NRP1: variants seen among roughly 807,000 people sequenced by gnomAD.
The protein encoded by NRP1 is neuropilin-1.
NRP1 carries 35 observed loss-of-function variants against 106.7 expected under a neutral mutation model. That is an observed-to-expected ratio of 0.33 (90% CI 0.25 to 0.43). The LOEUF is 0.43. Ranked by LOEUF, NRP1 falls within the 20% of genes least tolerant of loss-of-function variation. The pLI is 1.00. For synonymous variants in NRP1, 437 were observed against 417.9 expected, an observed-to-expected ratio of 1.05 and a Z score of -0.56; for missense variants, 1,024 against 1,170.4, an observed-to-expected ratio of 0.87 and a Z score of 1.83.
chr10:33,334,478 A>G lies in NRP1; in HGVS notation c.-96T>C, dbSNP rs1848500357. The G allele has an allele frequency of 4.6e-6, 5 of 1,098,056 alleles. No individual in the cohort carries two copies. Among genetic ancestry groups the G allele is most frequent in the South Asian group, 4.0e-5 (3 of 74,866 alleles). 68.0% of individuals were successfully genotyped at this position (1,098,056 alleles called of 1,614,324 possible). A position where few individuals can be genotyped will look rare whatever the true frequency, so the allele number is the denominator to read the frequency against. On this transcript the variant is annotated 5_prime_UTR_variant, in exon 1 of 17. Transcript: ENST00000374867. ...AATCTAAGCGATCCGAAGAGCCCCA[A>G]CTCCGCCTAGAGCTGTACAATCCTC... is the stretch of plus-strand genomic sequence containing the variant.
chr10:33,299,749 G>C (rs1845670380), intron 2 of NRP1, among the ~76,000 whole-genome samples: 1 of 152,258 alleles, frequency 6.6e-6, no homozygotes, highest in African/African-American at 2.4e-5. Flanking sequence ...TTGCATCACT[G>C]CTCTCCAGAC....
chr10:33,260,537 C>T (rs940249525), intron 4 of NRP1, among the ~76,000 whole-genome samples: 3 of 152,132 alleles, frequency 2.0e-5, no homozygotes, highest in African/African-American at 4.8e-5. Context: ...ACCGATGTGA[C>T]GTGAGCTAAG....
chr10:33,216,446 G>A (rs1301895478), intron 8 of NRP1, among the ~76,000 whole-genome samples: 1 of 148,108 alleles, frequency 6.8e-6, no homozygotes, highest in Non-Finnish European at 1.5e-5. Context: ...TCTACACCCC[G>A]GCCTTTTTTT....
chr10:33,263,675 C>G lies in NRP1; in HGVS notation c.629G>C (p.Arg210Pro), dbSNP rs757963789. The G allele has an allele frequency of 1.2e-6, 2 of 1,613,822 alleles. No individual in the cohort carries two copies. Among genetic ancestry groups the G allele is most frequent in the African/African-American group, 2.7e-5 (2 of 74,872 alleles). Residue 210 changes from arginine (R) to proline (P), a missense_variant, in exon 4 of 17, where the codon CGG (arginine) becomes CCG (proline). Transcript: ENST00000374867. ...PPGGMFCRYDRLEIWDGFPDV... is the reference protein window; with the variant it reads ...PPGGMFCRYDPLEIWDGFPDV... Reference sequence around the variant, plus strand: ...AGGGAATCCATCCCAGATTTCTAGCCGGTCGTAGCGACAGAACATCCCCCC... The same window carrying G: ...AGGGAATCCATCCCAGATTTCTAGCGGGTCGTAGCGACAGAACATCCCCCC...
intron 8 of NRP1, among the ~76,000 whole-genome samples, chr10:33,218,498 A>C (rs12360440): frequency 0.28 from 42,516 of 151,372 alleles, 6,357 homozygotes; most frequent in East Asian, 0.62. Context: ...AGTGCATGCC[A>C]CCACACCTGG....
Position 33,207,817 on chromosome 10 carries a change from G to T in NRP1, c.1615-101C>A, listed in dbSNP as rs1447704045. 3.9e-6 allele frequency: 5 copies of T among 1,289,380 alleles called. No homozygotes were observed. In the African/African-American group the frequency reaches 7.5e-5, roughly 19 times the overall value. The allele number at this position is 1,289,380 out of a possible 1,614,324, so 79.9% of individuals were successfully genotyped here. A position where few individuals can be genotyped will look rare whatever the true frequency, so the allele number is the denominator to read the frequency against. On this transcript the variant is annotated intron_variant, in intron 9 of 16. Transcript: ENST00000374867. The stretch of plus-strand genomic sequence containing the variant: ...CCTTCAGGACTCTGAATAAGGCAGA[G>T]AAATTGGCTTCATTCTACCACTTTG...
chr10:33,324,362 T>C (rs1001776911), intron 2 of NRP1, among the ~76,000 whole-genome samples: 5 of 152,100 alleles, frequency 3.3e-5, no homozygotes, highest in African/African-American at 1.2e-4. Context: ...GCCTCTCACA[T>C]TGAGAAGTCA....
chr10:33,242,046 A>G (rs2133081104), intron 6 of NRP1, among the ~76,000 whole-genome samples: 1 of 152,336 alleles, frequency 6.6e-6, no homozygotes, highest in South Asian at 2.1e-4. Flanking sequence ...TCTTCCACTA[A>G]GGAAACTGGA....
At chr10:33,295,866 C>G (rs12358370) in intron 2 of NRP1, among the ~76,000 whole-genome samples, 15,870 of 152,214 alleles carry the variant, frequency 0.1, 941 homozygotes, top group Non-Finnish European at 0.14. Flanking sequence ...GCCTATTATG[C>G]TAAAACTCAA....
chr10:33,285,980 T>C (rs1408245213), intron 2 of NRP1, among the ~76,000 whole-genome samples: 1 of 152,232 alleles, frequency 6.6e-6, no homozygotes, highest in African/African-American at 2.4e-5. Flanking sequence ...TTGCCTCCAA[T>C]CTGTTCCGTC....
chr10:33,187,573 C>T (rs111793120), intron 13 of NRP1, among the ~76,000 whole-genome samples: 2,757 of 152,238 alleles, frequency 0.018, 34 homozygotes, highest in Non-Finnish European at 0.03. Context: ...TGCTGAACTG[C>T]GAGGACTTTC....
At chr10:33,223,159 C>T (rs774392874) in intron 7 of NRP1, among the ~76,000 whole-genome samples, 4 of 152,184 alleles carry the variant, frequency 2.6e-5, no homozygotes, top group East Asian at 1.9e-4. Flanking sequence ...GGGGCTCACT[C>T]GAGGCATGCA....
chr10:33,246,166 A>C (rs922693445), intron 6 of NRP1, among the ~76,000 whole-genome samples: 1 of 150,768 alleles, frequency 6.6e-6, no homozygotes. Flanking sequence ...AAAACAAAAC[A>C]ATCAGTTAAA....
chr10:33,218,709 T>C (rs1408374080), intron 8 of NRP1, among the ~76,000 whole-genome samples: 1 of 152,164 alleles, frequency 6.6e-6, no homozygotes, highest in Non-Finnish European at 1.5e-5. Context: ...CTTGGGGCTT[T>C]AGTGGCTTTG....
At chr10:33,247,201 T>A (rs1309451293) in intron 6 of NRP1, among the ~76,000 whole-genome samples, 2 of 152,216 alleles carry the variant, frequency 1.3e-5, no homozygotes, top group East Asian at 1.9e-4. Flanking sequence ...ATTGAATATG[T>A]CAGCACTCAC....
chr10:33,276,302 C>G (rs1843691762), intron 2 of NRP1, among the ~76,000 whole-genome samples: 1 of 152,166 alleles, frequency 6.6e-6, no homozygotes, highest in Non-Finnish European at 1.5e-5. Flanking sequence ...GGAAGTGAAT[C>G]AAAGACGGGC....
chr10:33,182,149 C>T (rs1305185556), intron 16 of NRP1, among the ~76,000 whole-genome samples: 1 of 152,066 alleles, frequency 6.6e-6, no homozygotes, highest in Non-Finnish European at 1.5e-5. Context: ...AACATACTAA[C>T]TCTTCAATAA....
chr10:33,217,898 G>A (rs1209067388), intron 8 of NRP1, among the ~76,000 whole-genome samples: 1 of 152,206 alleles, frequency 6.6e-6, no homozygotes, highest in Non-Finnish European at 1.5e-5. Flanking sequence ...TGGAAAAACT[G>A]AGGTATACTG....
chr10:33,223,093 T>C (rs1387785163), intron 7 of NRP1, among the ~76,000 whole-genome samples: 1 of 152,216 alleles, frequency 6.6e-6, no homozygotes, highest in Non-Finnish European at 1.5e-5. Flanking sequence ...AGCACTATGC[T>C]TCTCAGCACA....
Sources: gnomAD v4.1 joint callset for allele counts (sites outside exome capture counted in the v4.1 genomes callset) on GRCh38, gnomAD v4.1.1 for gene constraint, MANE v1.5 for transcripts, NCBI Gene and HGNC (gene_info 2026-07-23, HGNC 2026-07-21) for gene names.